IRX6: variants seen among roughly 807,000 people sequenced by gnomAD.
IRX6 encodes the protein iroquois homeobox 6, also known as iroquois-class homeodomain protein IRX-6.
In IRX6, 46 loss-of-function variants were observed where a neutral mutation model predicts 47.7. That is an observed-to-expected ratio of 0.96 (90% CI 0.76 to 1.23). IRX6 has a LOEUF of 1.23. IRX6 is among the 50% of genes most tolerant of loss of function. The probability of loss-of-function intolerance (pLI) is 0.00; values close to 1 mark genes in which losing one functional copy is unlikely to be tolerated. For synonymous variants in IRX6, 265 were observed against 246.2 expected, an observed-to-expected ratio of 1.08 and a Z score of -0.72; for missense variants, 722 against 588.0, an observed-to-expected ratio of 1.23 and a Z score of -2.36.
At chr16:55,328,372 G>C (rs1307884622) in intron 4 of IRX6, among the ~76,000 whole-genome samples, 2 of 152,194 alleles carry the variant, frequency 1.3e-5, no homozygotes, top group African/African-American at 4.8e-5. Context: ...TTGAAATCGA[G>C]TAAAAACTGC....
intron 1 of IRX6, among the ~76,000 whole-genome samples, chr16:55,325,388 G>A (rs1960491553): frequency 6.6e-6 from 1 of 151,312 alleles, no homozygotes; most frequent in Admixed American, 6.6e-5. Flanking sequence ...TGAGGTGGGT[G>A]GGATCACAGG....
rs753691642 is a variant in IRX6, at chr16:55,327,916, C to T, written c.721+23C>T. ...AAGGTACTGAAAACGTTCACCACCC[C>T]ACCTTAAGGGTTTTACAAGTCATCA... On this transcript the variant is annotated intron_variant, in intron 4 of 5. Coordinates refer to ENST00000290552, the MANE Select transcript of IRX6 (RefSeq NM_024335.3). 1.9e-6 allele frequency: 3 copies of T among 1,567,610 alleles called. No individual in the cohort carries two copies. The African/African-American group carries it at 4.1e-5, about 21-fold the overall frequency.
At chr16:55,330,222 A>T in intron 5 of IRX6, 76 bp from the exon 6 acceptor site, 1 of 1,357,810 alleles carries the variant, frequency 7.4e-7, no homozygotes, top group Non-Finnish European at 1.1e-6. Context: ...TTCAGAAGAG[A>T]CATGGCTGAC....
chr16:55,330,158 C>G (rs1372715463), intron 5 of IRX6, 140 bp from the exon 6 acceptor site: 1 of 737,354 alleles, frequency 1.4e-6, no homozygotes, highest in South Asian at 1.6e-5. Flanking sequence ...ATTTACGCAA[C>G]GGATCCAAAC....
chr16:55,328,439 G>T (rs1329718771), intron 4 of IRX6, among the ~76,000 whole-genome samples: 4 of 152,086 alleles, frequency 2.6e-5, no homozygotes, highest in African/African-American at 9.6e-5. Flanking sequence ...GCGCCAAGTG[G>T]CATTTCCTTG....
Position 55,327,810 on chromosome 16 carries a change from C to A in IRX6, c.638C>A (p.Ala213Glu), listed in dbSNP as rs373730702. Reference protein sequence around the residue: ...RLKKENKMTWAPKNKGGEERK... With the variant: ...RLKKENKMTWEPKNKGGEERK... ...AAGAAAGAGAACAAAATGACATGGG[C>A]GCCCAAGAACAAAGGTGGGGAGGAG... The change falls in exon 4 of 6, where the codon GCG (alanine) becomes GAG (glutamate). Residue 213 changes from alanine (A) to glutamate (E), a missense_variant. Physicochemically the swap from Ala to Glu is moderately radical, Grantham distance 107. Transcript: ENST00000290552. 1.2e-6 allele frequency: 2 copies of A among 1,612,906 alleles called. No homozygotes were observed. The highest frequency in any genetic ancestry group is 1.7e-6 in the Non-Finnish European group (2 of 1,179,828).
At chr16:55,328,154 T>C (rs1179938241) in intron 4 of IRX6, among the ~76,000 whole-genome samples, 1 of 152,110 alleles carries the variant, frequency 6.6e-6, no homozygotes, top group African/African-American at 2.4e-5. Flanking sequence ...TCCCAGTTAT[T>C]TTCTGTTCTG....
chr16:55,325,041 C>T lies in IRX6; in HGVS notation c.-51C>T, dbSNP rs375413869. The T allele has an allele frequency of 1.6e-4, 262 of 1,596,866 alleles. 2 individuals are homozygous for T. The Middle Eastern group carries it at 2.5e-3, about 15-fold the overall frequency. ...CTGCTGGGGGCGCGGAACAGCTGGG[C>T]TGAGACGGGAACTCGACAGGGAAGA... On this transcript the variant is annotated 5_prime_UTR_variant, in exon 1 of 6. Coordinates refer to ENST00000290552, the MANE Select transcript of IRX6 (RefSeq NM_024335.3).
chr16:55,325,146 G>A lies in IRX6; in HGVS notation c.45+10G>A, dbSNP rs1283242806. 5.6e-6 allele frequency: 9 copies of A among 1,613,522 alleles called. No homozygotes were observed. The highest frequency in any genetic ancestry group is 1.7e-4 in the Middle Eastern group (1 of 6,060). ...CCGCGGCGCTTCCCAGGTAAGAGGC[G>A]CCTCTATGGGGGATAGGGGACAGAC... is the stretch of plus-strand genomic sequence containing the variant. On this transcript the variant is annotated intron_variant, in intron 1 of 5. Coordinates refer to ENST00000290552, the MANE Select transcript of IRX6 (RefSeq NM_024335.3).
Position 55,324,914 on chromosome 16 carries a change from C to T in IRX6, c.-178C>T. ...GAGGGGCGCCTTCCGGAGCGCAGGGCTCGGCAGCCGGGCTGCCCTCGGCTC... is the reference window on the plus strand; with the variant it reads ...GAGGGGCGCCTTCCGGAGCGCAGGGTTCGGCAGCCGGGCTGCCCTCGGCTC... On this transcript the variant is annotated 5_prime_UTR_variant, in exon 1 of 6. Transcript: ENST00000290552. The surrounding 1 kb of genome is among the most constrained non-coding windows in gnomAD (Gnocchi z 4.4). 1 of 639,172 alleles carries T rather than the reference C, an allele frequency of 1.6e-6. No individual in the cohort carries two copies. Among genetic ancestry groups the T allele is most frequent in the South Asian group, 1.9e-5 (1 of 52,814 alleles). 39.6% of individuals were successfully genotyped at this position (639,172 alleles called of 1,614,324 possible).
chr16:55,326,632 G>C, intron 2 of IRX6, 39 bp downstream of exon 2: 1 of 1,466,636 alleles, frequency 6.8e-7, no homozygotes, highest in Non-Finnish European at 9.0e-7. Context: ...GTGAGCAGTA[G>C]AGACAGGTGA....
chr16:55,327,470 G>A, intron 3 of IRX6, 65 bp downstream of exon 3: 1 of 1,568,974 alleles, frequency 6.4e-7, no homozygotes, highest in Non-Finnish European at 8.8e-7. Context: ...CCAAGGTAGG[G>A]TGGATGGCGG....
At chr16:55,328,224 C>T (rs779529206) in intron 4 of IRX6, among the ~76,000 whole-genome samples, 59 of 152,180 alleles carry the variant, frequency 3.9e-4, no homozygotes, top group Non-Finnish European at 4.4e-4. Context: ...ACATACCCAA[C>T]TTCCCTCTCT....
chr16:55,325,495 G>GAAAGAAAGAAAT (rs1312852274), intron 1 of IRX6, among the ~76,000 whole-genome samples: 2 of 32,866 alleles, frequency 6.1e-5, no homozygotes, highest in Non-Finnish European at 5.4e-5. Context: ...AGGAAGGAAG[G>GAAAGAAAGAAAT]AAGGAAGGAA....
In IRX6 at chr16:55,328,834, C is replaced by A; in HGVS notation, c.856C>A (p.Arg286=). 7 of 1,612,874 alleles carry A rather than the reference C, an allele frequency of 4.3e-6. No individual in the cohort carries two copies. Among genetic ancestry groups the A allele is most frequent in the Non-Finnish European group, 5.9e-6 (7 of 1,179,946 alleles). ...ATAGDRLTEF[R]KGAQSLPGPC... Reference sequence around the variant, plus strand: ...AGCTGGGGACAGGCTGACGGAGTTCCGAAAGGGCGCGCAGTCACTGCCTGG... The same window carrying A: ...AGCTGGGGACAGGCTGACGGAGTTCAGAAAGGGCGCGCAGTCACTGCCTGG... The change falls in exon 5 of 6, where the codon CGA becomes AGA. Residue 286 remains arginine, a synonymous_variant. Coordinates refer to ENST00000290552, the MANE Select transcript of IRX6 (RefSeq NM_024335.3).
rs2142272638 is a variant in IRX6, at chr16:55,330,396, G to A, written c.*91G>A. ...TTAAGAAGCTGCCAGACCTTGCCAG[G>A]GACCAGGAGCTCTCACTTTGCCTAA... On this transcript the variant is annotated 3_prime_UTR_variant, in exon 6 of 6. Coordinates refer to ENST00000290552, the MANE Select transcript of IRX6 (RefSeq NM_024335.3). 2 of 1,267,112 alleles carry A rather than the reference G, an allele frequency of 1.6e-6. No individual in the cohort carries two copies. The highest frequency in any genetic ancestry group is 4.6e-5 in the East Asian group (2 of 43,306). 78.5% of individuals were successfully genotyped at this position (1,267,112 alleles called of 1,614,324 possible).
chr16:55,324,961 GGCGAAGGAAC>G lies in IRX6; in HGVS notation c.-130_-121del. ...GCTCTGCCTCCACTGGGGCCAACCA[GGCGAAGGAAC>G]CGGCGCTGGGCATCCGCAGCGGTGT... On this transcript the variant is annotated 5_prime_UTR_variant, in exon 1 of 6. An upstream open reading frame in the 5' UTR loses its in-frame stop. Coordinates refer to ENST00000290552, the MANE Select transcript of IRX6 (RefSeq NM_024335.3). This position sits in a 1 kb window ranked among gnomAD's most constrained non-coding sequence, Gnocchi z 4.4. 1.0e-6 allele frequency: 1 copy of G among 977,962 alleles called. No homozygotes were observed. The highest frequency in any genetic ancestry group is 1.6e-6 in the Non-Finnish European group (1 of 634,878). The allele number at this position is 977,962 out of a possible 1,614,324, so 60.6% of individuals were successfully genotyped here.
chr16:55,329,002 C>T lies in IRX6; in HGVS notation c.1024C>T (p.His342Tyr). 6.2e-7 allele frequency: 1 copy of T among 1,613,806 alleles called. No homozygotes were observed. The highest frequency in any genetic ancestry group is 8.5e-7 in the Non-Finnish European group (1 of 1,180,002). Residue 342 changes from histidine (H) to tyrosine (Y), a missense_variant, in exon 5 of 6, where the codon CAC becomes TAC. By Grantham distance (83) the His-to-Tyr change is moderately conservative. Coordinates refer to ENST00000290552, the MANE Select transcript of IRX6 (RefSeq NM_024335.3). ...AETGSPRLTMHYPCLEKPRIW... is the reference protein window; with the variant it reads ...AETGSPRLTMYYPCLEKPRIW... ...GACAGGCAGCCCTAGGTTGACCATGCACTACCCATGCTTGGAGAAACCGCG... is the reference window on the plus strand; with the variant it reads ...GACAGGCAGCCCTAGGTTGACCATGTACTACCCATGCTTGGAGAAACCGCG...
intron 1 of IRX6, 115 bp downstream of exon 1, chr16:55,325,251 A>T (rs1960489809): frequency 3.0e-6 from 3 of 989,738 alleles, no homozygotes; most frequent in African/African-American, 1.6e-5. Flanking sequence ...CAGAAGGAGC[A>T]AGGACCAGGG....
Sources: gnomAD v4.1 joint callset for allele counts (sites outside exome capture counted in the v4.1 genomes callset) on GRCh38, gnomAD v4.1.1 for gene constraint, Gnocchi (gnomAD v3.1) non-coding constraint, MANE v1.5 for transcripts, NCBI Gene and HGNC (gene_info 2026-07-23, HGNC 2026-07-21) for gene names.